The following RUFY4 variants were observed in gnomAD, a reference collection of about 807,000 sequenced individuals.
The protein encoded by RUFY4 is RUN and FYVE domain containing 4.
A neutral mutation model predicts 69.0 loss-of-function variants in RUFY4; 73 were observed. The observed-to-expected ratio is 1.06, with a 90% confidence interval of 0.88 to 1.29. RUFY4 has a LOEUF of 1.29. RUFY4 is among the 50% of genes most tolerant of loss of function. RUFY4 has a pLI of 0.00. For missense variants in RUFY4, 770 were observed against 705.6 expected, an observed-to-expected ratio of 1.09 and a Z score of -1.03; for synonymous variants, 287 against 271.8, an observed-to-expected ratio of 1.06 and a Z score of -0.55.
chr2:218,049,517 T>A (rs1251388554), intron 2 of RUFY4, among the ~76,000 whole-genome samples: 1 of 152,012 alleles, frequency 6.6e-6, no homozygotes, highest in Non-Finnish European at 1.5e-5. Context: ...AGGTCTTTTT[T>A]TTTTTTTAGA....
At position 218,060,502 on chromosome 2, in the gene RUFY4, C is replaced by T. The variant is rs944836764; in HGVS notation, c.-1071+1821C>T. On this transcript the variant is annotated intron_variant and NMD_transcript_variant, in intron 3 of 13. Coordinates refer to the RUFY4 transcript ENST00000457754. Reference sequence around the variant, plus strand: ...GGCGTAGATGAGGGGATTGAGGTAGCTGTGAAGGATGCCCAGAATCTCAGT... The same window carrying T: ...GGCGTAGATGAGGGGATTGAGGTAGTTGTGAAGGATGCCCAGAATCTCAGT... The T allele has an allele frequency of 3.0e-6, 4 of 1,315,032 alleles. No homozygotes were observed. The East Asian group carries it at 6.9e-5, about 23-fold the overall frequency. 81.5% of individuals were successfully genotyped at this position (1,315,032 alleles called of 1,614,324 possible).
chr2:218,066,519 T>C (rs1689335620), upstream of RUFY4, among the ~76,000 whole-genome samples: 1 of 152,236 alleles, frequency 6.6e-6, no homozygotes. Context: ...CTATTTCCAA[T>C]TCATTTTGTG....
chr2:218,080,227 G>A (rs1260250556), intron 8 of RUFY4, among the ~76,000 whole-genome samples: 1 of 152,214 alleles, frequency 6.6e-6, no homozygotes, highest in Non-Finnish European at 1.5e-5. Context: ...GCTGGGGCAG[G>A]GTTTAGAGCA....
chr2:218,060,301 G>A, intron 3 of RUFY4: 1 of 1,494,884 alleles, frequency 6.7e-7, no homozygotes, highest in Admixed American at 2.3e-5. Flanking sequence ...GTGAAGAGAA[G>A]GGAGGAACCC....
chr2:218,073,407 G>A (rs957280710), intron 5 of RUFY4, 21 bp downstream of exon 7: 3 of 1,581,108 alleles, frequency 1.9e-6, no homozygotes, highest in African/African-American at 1.3e-5. Flanking sequence ...GCAGCCAGGA[G>A]AGAAGTCTCT....
intron 2 of RUFY4, among the ~76,000 whole-genome samples, chr2:218,039,970 T>C (rs142177029): frequency 0.021 from 3,109 of 150,962 alleles, 51 homozygotes; most frequent in Non-Finnish European, 0.035. Flanking sequence ...TCCTTCCCAC[T>C]GGATTGCCCC....
At chr2:218,088,612 G>A (rs1471587132) in intron 9 of RUFY4, among the ~76,000 whole-genome samples, 1 of 152,142 alleles carries the variant, frequency 6.6e-6, no homozygotes, top group Admixed American at 6.5e-5. Context: ...AACCCCAGGG[G>A]CCTCTGTGAT....
chr2:218,055,267 C>T (rs1689037053), intron 2 of RUFY4, among the ~76,000 whole-genome samples: 2 of 151,986 alleles, frequency 1.3e-5, no homozygotes, highest in South Asian at 4.2e-4. Flanking sequence ...TCATGGCAGG[C>T]ACCTGTAGTC....
upstream of RUFY4, among the ~76,000 whole-genome samples, chr2:218,069,778 C>A (rs969078995): frequency 5.9e-5 from 9 of 152,136 alleles, no homozygotes; most frequent in African/African-American, 2.2e-4. Flanking sequence ...AGGCAGGACA[C>A]CTGGGTTTTC....
intron 6 of RUFY4, among the ~76,000 whole-genome samples, chr2:218,074,343 T>C (rs1689572603): frequency 6.6e-6 from 1 of 152,142 alleles, no homozygotes; most frequent in Admixed American, 6.5e-5. Flanking sequence ...TTACTTGTCC[T>C]GCCCCATAGG....
At chr2:218,077,753 A>G (rs975692914) in intron 8 of RUFY4, among the ~76,000 whole-genome samples, 1 of 152,208 alleles carries the variant, frequency 6.6e-6, no homozygotes, top group Admixed American at 6.5e-5. Context: ...CAGGTGAGAG[A>G]GGCCCAGGAG....
At chr2:218,083,254 C>G (rs1324036105) in exon 9 of RUFY4, 2 of 1,598,150 alleles carry the variant, frequency 1.3e-6, no homozygotes, top group Admixed American at 3.4e-5. Context: ...TGGAACTGAT[C>G]CAGTAAGGAC....
rs761553852 is a variant in RUFY4 at position 218,055,100 on chromosome 2, G to T, written c.-1157-3495G>T. Among the ~76,000 whole-genome samples, 67 of 152,190 alleles carry T rather than the reference G, an allele frequency of 4.4e-4. 1 individual carries two copies. The highest frequency in any genetic ancestry group is 3.4e-3 in the Middle Eastern group (1 of 292). On this transcript the variant is annotated intron_variant and NMD_transcript_variant, in intron 2 of 13. Transcript: ENST00000457754. Reference sequence around the variant, plus strand: ...AGTCTCAAAATTAAAAAAATAATAAGAAGAAGATACAAGGCGAAGCACATT... The same window carrying T: ...AGTCTCAAAATTAAAAAAATAATAATAAGAAGATACAAGGCGAAGCACATT...
chr2:218,081,628 G>A (rs1034651393), intron 8 of RUFY4, among the ~76,000 whole-genome samples: 2 of 152,150 alleles, frequency 1.3e-5, no homozygotes, highest in East Asian at 3.8e-4. Flanking sequence ...TACACACCAC[G>A]GTGATCACAT....
exon 11 of RUFY4, chr2:218,090,140 C>A: frequency 7.8e-6 from 6 of 772,094 alleles, no homozygotes; most frequent in Non-Finnish European, 1.3e-5. Flanking sequence ...TCTTCCCAGC[C>A]CTCTTGTTTG....
intron 2 of RUFY4, among the ~76,000 whole-genome samples, chr2:218,035,677 C>T (rs1460542677): frequency 6.6e-6 from 1 of 152,186 alleles, no homozygotes; most frequent in Non-Finnish European, 1.5e-5. Flanking sequence ...CACCTGCTCT[C>T]AGGGCCACAG....
At chr2:218,087,093 G>C (rs1014219688) in intron 9 of RUFY4, among the ~76,000 whole-genome samples, 1 of 151,872 alleles carries the variant, frequency 6.6e-6, no homozygotes, top group Admixed American at 6.6e-5. Context: ...TTCAGTGTTA[G>C]AATCAACTTA....
rs141964266 is a variant in RUFY4 at position 218,049,250 on chromosome 2, T to C, written c.-1157-9345T>C. On this transcript the variant is annotated intron_variant and NMD_transcript_variant, in intron 2 of 13. Transcript: ENST00000457754. ...TCCTCAAATGACCTTCTTTTTCCCA[T>C]GGCCTGGGGCAGGCAGCTCACTTGT... 2.5e-3 allele frequency among the ~76,000 whole-genome samples: 375 copies of C among 152,344 alleles called. 1 individual carries two copies. Among genetic ancestry groups the C allele is most frequent in the Middle Eastern group, 6.8e-3 (2 of 294 alleles).
Position 218,060,674 on chromosome 2 carries a change from T to C in RUFY4, c.-1071+1993T>C, listed in dbSNP as rs1008030275. 6 of 1,333,066 alleles carry C rather than the reference T, an allele frequency of 4.5e-6. No homozygotes were observed. In the Admixed American group the frequency reaches 5.0e-5, roughly 11 times the overall value. 82.6% of individuals were successfully genotyped at this position (1,333,066 alleles called of 1,614,324 possible). A position where few individuals can be genotyped will look rare whatever the true frequency, so the allele number is the denominator to read the frequency against. ...AGGACAACAGCAAAGATGACCCACA[T>C]GGTCCAGTGCTTCTGCCCCATATGG... On this transcript the variant is annotated intron_variant and NMD_transcript_variant, in intron 3 of 13. Transcript: ENST00000457754.
Sources: allele counts gnomAD v4.1 joint callset (sites outside exome capture counted in the v4.1 genomes callset), GRCh38; gene constraint gnomAD v4.1.1; transcripts MANE v1.5; gene names NCBI Gene and HGNC (gene_info 2026-07-23, HGNC 2026-07-21).